Variants in SP140L observed in about 807,000 individuals in gnomAD.
SP140L encodes the protein SP140 like nuclear body protein.
SP140L carries 64 observed loss-of-function variants against 84.3 expected under a neutral mutation model. The observed-to-expected ratio is 0.76, with a 90% confidence interval of 0.62 to 0.94. The LOEUF is 0.94. Among genes scored for constraint, SP140L ranks in the 40% least tolerant of loss-of-function variants. The probability of loss-of-function intolerance (pLI) is 0.00; values close to 1 mark genes in which losing one functional copy is unlikely to be tolerated. For missense variants in SP140L, 628 were observed against 692.5 expected, an observed-to-expected ratio of 0.91 and a Z score of 1.05; for synonymous variants, 242 against 236.9, an observed-to-expected ratio of 1.02 and a Z score of -0.20.
intron 2 of SP140L, among the ~76,000 whole-genome samples, chr2:230,332,788 G>A (rs778032845): frequency 5.3e-5 from 8 of 152,110 alleles, no homozygotes; most frequent in East Asian, 3.8e-4. Flanking sequence ...TATCAATTCC[G>A]TTTTATTTTC....
intron 8 of SP140L, among the ~76,000 whole-genome samples, chr2:230,384,684 G>A (rs188102313): frequency 8.4e-4 from 128 of 152,214 alleles, no homozygotes; most frequent in African/African-American, 3.0e-3. Context: ...AGGCTGAGGC[G>A]GATGGATCAC....
intron 2 of SP140L, among the ~76,000 whole-genome samples, chr2:230,342,819 T>A (rs572887056): frequency 1.0e-3 from 155 of 152,206 alleles, no homozygotes; most frequent in South Asian, 7.5e-3. Context: ...TCCTTTTTTT[T>A]AAAATCTTTT....
At chr2:230,376,148 C>T (rs974281829) in intron 7 of SP140L, among the ~76,000 whole-genome samples, 1 of 152,124 alleles carries the variant, frequency 6.6e-6, no homozygotes, top group African/African-American at 2.4e-5. Flanking sequence ...CTTAGCACCA[C>T]TTATTGAAGA....
chr2:230,396,680 CTA>C (rs2062063543), intron 13 of SP140L, 75 bp from the exon 14 acceptor site: 1 of 1,532,578 alleles, frequency 6.5e-7, no homozygotes, highest in Non-Finnish European at 9.0e-7. Context: ...TCAAAGATGA[CTA>C]TTTAAATTTA....
intron 7 of SP140L, among the ~76,000 whole-genome samples, chr2:230,378,008 A>T (rs2061301644): frequency 6.6e-6 from 1 of 152,014 alleles, no homozygotes; most frequent in South Asian, 2.1e-4. Context: ...CTAAAGATTG[A>T]TTTCTTTTCT....
intron 7 of SP140L, among the ~76,000 whole-genome samples, chr2:230,376,880 G>C (rs2061256456): frequency 6.6e-6 from 1 of 152,012 alleles, no homozygotes; most frequent in Admixed American, 6.6e-5. Flanking sequence ...TAAACCAATG[G>C]AATAGAATAG....
chr2:230,339,192 C>G (rs1226445356), intron 2 of SP140L, among the ~76,000 whole-genome samples: 1 of 151,916 alleles, frequency 6.6e-6, no homozygotes, highest in African/African-American at 2.4e-5. Context: ...TTGGCCTATT[C>G]AGAGATTCAA....
At chr2:230,368,009 C>T (rs2060942020) in intron 5 of SP140L, among the ~76,000 whole-genome samples, 1 of 152,224 alleles carries the variant, frequency 6.6e-6, no homozygotes, top group Non-Finnish European at 1.5e-5. Flanking sequence ...GTGGTTTACA[C>T]ACCACCATTA....
rs919746145 is a variant in SP140L, at chr2:230,400,854, T to G, written c.1314-101T>G. On this transcript the variant is annotated intron_variant, in intron 15 of 18. Coordinates refer to ENST00000415673, the MANE Select transcript of SP140L (RefSeq NM_138402.6). ...GAGGTGTTCCCCTCCCTCCCATGAC[T>G]GAGCCCATCAGCCATTCCTGAAGGA... The G allele has an allele frequency of 1.9e-6, 3 of 1,558,656 alleles. No individual in the cohort carries two copies. The African/African-American group carries it at 4.1e-5, about 21-fold the overall frequency.
chr2:230,378,305 A>G (rs1331100406), intron 7 of SP140L, among the ~76,000 whole-genome samples: 1 of 152,150 alleles, frequency 6.6e-6, no homozygotes, highest in African/African-American at 2.4e-5. Context: ...CATTTTGAAG[A>G]TTCTTCTATC....
At chr2:230,358,001 T>C in intron 3 of SP140L, 34 bp downstream of exon 3, 1 of 1,606,328 alleles carries the variant, frequency 6.2e-7, no homozygotes, top group South Asian at 1.1e-5. Context: ...CTGGCAGATA[T>C]GCTTTCATAT....
chr2:230,393,603 A>T, intron 13 of SP140L, 142 bp downstream of exon 13: 1 of 1,020,164 alleles, frequency 9.8e-7, no homozygotes, highest in Non-Finnish European at 1.3e-6. Flanking sequence ...TTTTTTTAAT[A>T]TACACTTTCA....
At chr2:230,334,862 A>G (rs866661334) in intron 2 of SP140L, among the ~76,000 whole-genome samples, 1 of 152,186 alleles carries the variant, frequency 6.6e-6, no homozygotes, top group African/African-American at 2.4e-5. Flanking sequence ...CTGCAAGCAT[A>G]TTATGCATTT....
intron 2 of SP140L, among the ~76,000 whole-genome samples, chr2:230,339,464 T>G (rs2059972463): frequency 6.6e-6 from 1 of 151,824 alleles, no homozygotes; most frequent in African/African-American, 2.4e-5. Flanking sequence ...GATTCATTAA[T>G]TTTTGAAGGG....
chr2:230,359,945 T>C (rs762120473), intron 4 of SP140L, among the ~76,000 whole-genome samples: 1 of 131,852 alleles, frequency 7.6e-6, no homozygotes, highest in Non-Finnish European at 1.6e-5. Flanking sequence ...ATTGGTGCTA[T>C]ACCAAACTAA....
At chr2:230,397,236 C>T (rs1041007141) in intron 14 of SP140L, among the ~76,000 whole-genome samples, 1 of 152,102 alleles carries the variant, frequency 6.6e-6, no homozygotes, top group Non-Finnish European at 1.5e-5. Context: ...GCAGGTGGAG[C>T]GAAGATGGTC....
chr2:230,372,742 A>AAAAAAG (rs1559438611), intron 7 of SP140L: 5 of 150,306 alleles, frequency 3.3e-5, no homozygotes, highest in African/African-American at 1.2e-4. Flanking sequence ...AAAAAAAAAA[A>AAAAAAG]AAAAAGAAAG....
In SP140L at chr2:230,402,852, T is replaced by A; in HGVS notation, c.1699T>A (p.Phe567Ile). Residue 567 changes from phenylalanine to isoleucine, a missense_variant, in exon 19 of 19, where the codon TTC (phenylalanine) becomes ATC (isoleucine). Physicochemically the swap from Phe to Ile is conservative, Grantham distance 21 (BLOSUM62 0). Transcript: ENST00000415673. ...LRLEAEFEKD[F>I]KEVFAIQETN... is the part of the protein sequence containing the mutation. ...ACTGGAGGCTGAATTTGAGAAGGAT[T>A]TCAAGGAAGTGTTTGCTATTCAGGA... 1 of 1,613,318 alleles carries A rather than the reference T, an allele frequency of 6.2e-7. No homozygotes were observed. The highest frequency in any genetic ancestry group is 8.5e-7 in the Non-Finnish European group (1 of 1,179,794).
rs192614760 is a variant in SP140L, at chr2:230,385,153, G to T, written c.704-71G>T. ...AGTGAAACCCAGGACTCCCTCACTTGCGTTTGGTCCAGCCTGTGAGCTGTT... is the reference window on the plus strand; with the variant it reads ...AGTGAAACCCAGGACTCCCTCACTTTCGTTTGGTCCAGCCTGTGAGCTGTT... On this transcript the variant is annotated intron_variant, in intron 8 of 18. Coordinates refer to ENST00000415673, the MANE Select transcript of SP140L (RefSeq NM_138402.6). 30 of 1,492,510 alleles carry T rather than the reference G, an allele frequency of 2.0e-5. No individual in the cohort carries two copies. The Admixed American group carries it at 5.5e-4, about 27-fold the overall frequency. The allele number at this position is 1,492,510 out of a possible 1,614,324, so 92.5% of individuals were successfully genotyped here. A position where few individuals can be genotyped will look rare whatever the true frequency, so the allele number is the denominator to read the frequency against.
Sources: allele counts gnomAD v4.1 joint callset (sites outside exome capture counted in the v4.1 genomes callset), GRCh38; gene constraint gnomAD v4.1.1; transcripts MANE v1.5; gene names NCBI Gene and HGNC (gene_info 2026-07-23, HGNC 2026-07-21).